Variants in TMEM132C observed in about 807,000 individuals in gnomAD.
TMEM132C encodes transmembrane protein 132C.
TMEM132C carries 29 observed loss-of-function variants against 61.4 expected under a neutral mutation model. The ratio of observed to expected loss-of-function variants is 0.47; its 90% CI spans 0.35 to 0.64. The LOEUF (loss-of-function observed/expected upper bound fraction) is 0.64, where lower values mean the gene tolerates loss of function less well. Among genes scored for constraint, TMEM132C ranks in the 30% least tolerant of loss-of-function variants. The pLI, the probability that TMEM132C is intolerant of heterozygous loss-of-function variation, is 0.00. For missense variants in TMEM132C, 1,408 were observed against 1,476.9 expected (o/e 0.95, Z 0.76); for synonymous variants, 656 against 633.1 (o/e 1.04, Z -0.54).
chr12:128,600,214 C>T (rs530193253), intron 3 of TMEM132C, among the ~76,000 whole-genome samples: 17 of 152,198 alleles, frequency 1.1e-4, no homozygotes, highest in African/African-American at 4.1e-4. Context: ...GATCTCCTGA[C>T]CTTGTGATCT....
At chr12:128,292,015 C>T (rs1329262760) in intron 1 of TMEM132C, among the ~76,000 whole-genome samples, 1 of 152,122 alleles carries the variant, frequency 6.6e-6, no homozygotes, top group African/African-American at 2.4e-5. Context: ...CCCATTGTTC[C>T]TCCTCCCCTA....
intron 2 of TMEM132C, among the ~76,000 whole-genome samples, chr12:128,529,743 G>A (rs990603311): frequency 6.6e-6 from 1 of 152,112 alleles, no homozygotes; most frequent in Non-Finnish European, 1.5e-5. Flanking sequence ...CCGAGATCGT[G>A]CCACTGCACT....
At chr12:128,442,822 T>C (rs754975040) in intron 2 of TMEM132C, among the ~76,000 whole-genome samples, 2 of 152,204 alleles carry the variant, frequency 1.3e-5, no homozygotes, top group Non-Finnish European at 2.9e-5. Context: ...TACTAATAGT[T>C]TCAGAACATT....
intron 1 of TMEM132C, among the ~76,000 whole-genome samples, chr12:128,267,944 G>A (rs1870369569): frequency 6.6e-6 from 1 of 152,212 alleles, no homozygotes; most frequent in Admixed American, 6.5e-5. Flanking sequence ...CGGCACTGTG[G>A]GGCTGGTGCT....
At chr12:128,648,523 G>A (rs554123879) in intron 4 of TMEM132C, among the ~76,000 whole-genome samples, 1 of 151,884 alleles carries the variant, frequency 6.6e-6, no homozygotes, top group Non-Finnish European at 1.5e-5. Flanking sequence ...AGCGTTGGAT[G>A]AGTGTGTTTA....
intron 2 of TMEM132C, among the ~76,000 whole-genome samples, chr12:128,446,888 A>G (rs1347875145): frequency 6.6e-6 from 1 of 152,240 alleles, no homozygotes; most frequent in Non-Finnish European, 1.5e-5. Flanking sequence ...TACAAAATGC[A>G]TAAATGAATA....
chr12:128,686,709 C>T (rs555905639), intron 5 of TMEM132C, among the ~76,000 whole-genome samples: 1 of 152,282 alleles, frequency 6.6e-6, no homozygotes, highest in East Asian at 1.9e-4. Flanking sequence ...CACTGTGTGT[C>T]AGGTGTTAGG....
intron 5 of TMEM132C, among the ~76,000 whole-genome samples, chr12:128,671,079 G>A (rs1331458014): frequency 6.6e-6 from 1 of 152,168 alleles, no homozygotes; most frequent in Non-Finnish European, 1.5e-5. Context: ...TGAGCCATGG[G>A]CCAAACCTAG....
At chr12:128,535,859 C>T (rs1325560578) in intron 2 of TMEM132C, among the ~76,000 whole-genome samples, 3 of 105,204 alleles carry the variant, frequency 2.9e-5, no homozygotes, top group Non-Finnish European at 4.6e-5. Context: ...CAGAGCAAGA[C>T]TCCATCAAAA....
intron 1 of TMEM132C, among the ~76,000 whole-genome samples, chr12:128,315,961 G>A (rs1039770683): frequency 1.4e-4 from 22 of 151,992 alleles, no homozygotes; most frequent in Non-Finnish European, 2.2e-4. Context: ...TGCCGACACC[G>A]TGATTTCAGC....
intron 2 of TMEM132C, among the ~76,000 whole-genome samples, chr12:128,456,763 A>G (rs554969557): frequency 6.6e-6 from 1 of 152,262 alleles, no homozygotes; most frequent in African/African-American, 2.4e-5. Flanking sequence ...CTAAGAAGAC[A>G]TAGAACAATT....
rs112394996 is a variant in TMEM132C, at chr12:128,496,587, C to T, written c.975-47370C>T. Among the ~76,000 whole-genome samples, 226 of 152,264 alleles carry T rather than the reference C, an allele frequency of 1.5e-3. 3 individuals carry two copies. The highest frequency in any genetic ancestry group is 4.6e-3 in the African/African-American group (189 of 41,538). ...TCTCACTTCATTTCATTCATTTGAT[C>T]TTCAATCACTGATACCCTTTCTTCC... is the stretch of plus-strand genomic sequence containing the variant. On this transcript the variant is annotated intron_variant, in intron 2 of 8. Transcript: ENST00000435159.
intron 3 of TMEM132C, among the ~76,000 whole-genome samples, chr12:128,556,391 C>A (rs1874330810): frequency 6.6e-6 from 1 of 152,188 alleles, no homozygotes; most frequent in South Asian, 2.1e-4. Context: ...TGAGAACCTG[C>A]ACAGTGTTGG....
chr12:128,369,795 A>T (rs1210705143), intron 1 of TMEM132C, among the ~76,000 whole-genome samples: 15 of 152,178 alleles, frequency 9.9e-5, no homozygotes, highest in Admixed American at 9.8e-4. Context: ...TGTTTCATCG[A>T]GGCGTGCTGC....
chr12:128,343,621 A>G (rs1873050767), intron 1 of TMEM132C, among the ~76,000 whole-genome samples: 2 of 152,166 alleles, frequency 1.3e-5, no homozygotes, highest in South Asian at 2.1e-4. Context: ...ATTTACATGC[A>G]TAAAATTAAC....
chr12:128,681,308 T>A (rs1954632700), intron 5 of TMEM132C, among the ~76,000 whole-genome samples: 4 of 152,276 alleles, frequency 2.6e-5, no homozygotes, highest in African/African-American at 9.6e-5. Context: ...GTTTTTTATG[T>A]TTCTCCTCTT....
chr12:128,561,533 C>G (rs1218968194), intron 3 of TMEM132C, among the ~76,000 whole-genome samples: 1 of 152,166 alleles, frequency 6.6e-6, no homozygotes, highest in East Asian at 1.9e-4. Context: ...ATTCATCAGT[C>G]AAATAATTAT....
chr12:128,541,732 C>T (rs538511157), intron 2 of TMEM132C, among the ~76,000 whole-genome samples: 77 of 152,320 alleles, frequency 5.1e-4, no homozygotes, highest in African/African-American at 1.7e-3. Flanking sequence ...ACTGCACTTG[C>T]TGACTTCAGG....
chr12:128,469,640 T>TTGTGTGTGTGTG (rs745661735), intron 2 of TMEM132C, among the ~76,000 whole-genome samples: 2 of 146,596 alleles, frequency 1.4e-5, no homozygotes, highest in African/African-American at 5.1e-5. Context: ...GTGTGTGTGT[T>TTGTGTGTGTGTG]TGTGTGTGTG....
Sources: allele counts gnomAD v4.1 joint callset (sites outside exome capture counted in the v4.1 genomes callset), GRCh38; gene constraint gnomAD v4.1.1; transcripts MANE v1.5; gene names NCBI Gene and HGNC (gene_info 2026-07-23, HGNC 2026-07-21).